ACSF3: variants seen among roughly 807,000 people sequenced by gnomAD.
The protein encoded by ACSF3 is malonate--CoA ligase ACSF3, mitochondrial.
A neutral mutation model predicts 53.2 loss-of-function variants in ACSF3; 78 were observed. That is an observed-to-expected ratio of 1.47 (90% CI 1.22 to 1.77). The LOEUF is 1.77. Ranked by LOEUF, ACSF3 falls within the 40% of genes most tolerant of loss-of-function variation. The pLI, the probability that ACSF3 is intolerant of heterozygous loss-of-function variation, is 0.00. For synonymous variants in ACSF3, 414 were observed against 333.1 expected (o/e 1.24, Z -2.65); for missense variants, 937 against 771.1 (o/e 1.22, Z -2.55).
At chr16:89,147,326 AG>A (rs1191245311) in intron 10 of ACSF3, among the ~76,000 whole-genome samples, 1 of 38,066 alleles carries the variant, frequency 2.6e-5, no homozygotes, top group African/African-American at 1.2e-4. Flanking sequence ...AGAGTGAGCA[AG>A]GGGGGGAGGG....
rs560062119 is a variant in ACSF3, at chr16:89,097,005, G to A, written c.-193-1586G>A. Among the ~76,000 whole-genome samples, 3 of 150,290 alleles carry A rather than the reference G, an allele frequency of 2.0e-5. No individual in the cohort carries two copies. The South Asian group carries it at 6.2e-4, about 31-fold the overall frequency. ...CACTTTGAGTTTGCCCAGCCCAGCT[G>A]TGCACGTCAGCATCACCAGCTCTGC... On this transcript the variant is annotated intron_variant, in intron 1 of 10. Transcript: ENST00000614302.
chr16:89,144,192 G>A (rs536631241), intron 8 of ACSF3, among the ~76,000 whole-genome samples: 5 of 152,340 alleles, frequency 3.3e-5, no homozygotes, highest in South Asian at 2.1e-4. Flanking sequence ...CGCTCTTCCC[G>A]ACTCCCCACC....
intron 5 of ACSF3, 21 bp from the exon 6 acceptor site, chr16:89,114,318 G>C: frequency 6.2e-7 from 1 of 1,613,750 alleles, no homozygotes; most frequent in East Asian, 2.2e-5. Flanking sequence ...GGCTAAACCT[G>C]CCTTTGGTTG....
chr16:89,122,520 C>A, intron 7 of ACSF3: 1 of 347,582 alleles, frequency 2.9e-6, no homozygotes, highest in South Asian at 2.1e-5. Context: ...CCCTGCAGTG[C>A]CCCTGCCCCC....
chr16:89,100,563 G>T, intron 2 of ACSF3, 99 bp from the exon 3 acceptor site: 6 of 1,214,052 alleles, frequency 4.9e-6, no homozygotes, highest in Non-Finnish European at 6.9e-6. Flanking sequence ...TGCAGCAGGC[G>T]TACCTGGCTG....
At chr16:89,150,854 G>A in intron 10 of ACSF3, 1 of 591,290 alleles carries the variant, frequency 1.7e-6, no homozygotes, top group Non-Finnish European at 2.6e-6. Flanking sequence ...GGCTGAGACT[G>A]CAGTGCTTGT....
chr16:89,138,747 T>G (rs1911128628), intron 8 of ACSF3, among the ~76,000 whole-genome samples: 1 of 152,242 alleles, frequency 6.6e-6, no homozygotes, highest in Non-Finnish European at 1.5e-5. Flanking sequence ...CAAGATGCCC[T>G]TCTGTGCAGC....
chr16:89,121,025 G>A (rs1264327981), intron 7 of ACSF3, 112 bp downstream of exon 7: 2 of 970,178 alleles, frequency 2.1e-6, no homozygotes, highest in Non-Finnish European at 3.2e-6. Flanking sequence ...CCACGCAGGG[G>A]ACCAGCCCCC....
chr16:89,143,353 C>T (rs561370829), intron 8 of ACSF3, among the ~76,000 whole-genome samples: 5 of 152,246 alleles, frequency 3.3e-5, no homozygotes, highest in South Asian at 2.1e-4. Flanking sequence ...ATGGCCTCTC[C>T]GGCAGGACCA....
chr16:89,115,684 T>C (rs2151459594), intron 6 of ACSF3, among the ~76,000 whole-genome samples: 1 of 152,368 alleles, frequency 6.6e-6, no homozygotes, highest in East Asian at 1.9e-4. Flanking sequence ...CAAGCTGTTC[T>C]CCAGAGCGGC....
Position 89,133,411 on chromosome 16 carries a change from G to A in ACSF3, c.1366+149G>A, listed in dbSNP as rs950995165. The A allele has an allele frequency of 9.0e-6, 10 of 1,106,222 alleles. No homozygotes were observed. The Admixed American group carries it at 1.9e-4, about 21-fold the overall frequency. The allele number at this position is 1,106,222 out of a possible 1,614,324, so 68.5% of individuals were successfully genotyped here. On this transcript the variant is annotated intron_variant, in intron 8 of 10. Transcript: ENST00000614302. ...GGGTGGAGTGGGGCTGGGGGCCACTGTTACGGCACTGCCTCCTGAGCACCC... is the reference window on the plus strand; with the variant it reads ...GGGTGGAGTGGGGCTGGGGGCCACTATTACGGCACTGCCTCCTGAGCACCC...
At chr16:89,120,066 T>G (rs1423841329) in intron 6 of ACSF3, among the ~76,000 whole-genome samples, 1 of 152,224 alleles carries the variant, frequency 6.6e-6, no homozygotes, top group Non-Finnish European at 1.5e-5. Flanking sequence ...GAGCAGCCTC[T>G]GCCGTCCCAC....
intron 8 of ACSF3, among the ~76,000 whole-genome samples, chr16:89,144,127 C>T (rs570510476): frequency 6.6e-6 from 1 of 152,332 alleles, no homozygotes; most frequent in East Asian, 1.9e-4. Context: ...ACACTATGGG[C>T]CCATGCGTCA....
chr16:89,121,922 ACACTGAAAGGTGCAGTGGCCG>A (rs1230089523), intron 7 of ACSF3, among the ~76,000 whole-genome samples: 7 of 152,336 alleles, frequency 4.6e-5, no homozygotes, highest in African/African-American at 1.4e-4. Context: ...TCATTAAATG[ACACTGAAAGGTGCAGTGGCCG>A]CACCTTGTGT....
At chr16:89,124,375 G>A (rs1259485355) in intron 7 of ACSF3, among the ~76,000 whole-genome samples, 1 of 144,904 alleles carries the variant, frequency 6.9e-6, no homozygotes, top group Non-Finnish European at 1.5e-5. Flanking sequence ...CACACTGCAT[G>A]TGTGTGATAC....
At chr16:89,106,009 C>T (rs953408815) in intron 4 of ACSF3, among the ~76,000 whole-genome samples, 6 of 152,238 alleles carry the variant, frequency 3.9e-5, no homozygotes, top group Admixed American at 1.3e-4. Flanking sequence ...CACAGGCACA[C>T]GGCTTGGGAG....
chr16:89,154,499 C>G lies in ACSF3; in HGVS notation c.*292C>G, dbSNP rs988171628. The stretch of plus-strand genomic sequence containing the variant: ...CTGGCCCCACGTGCTGAGGCACCTC[C>G]CGCCCCACAGTGCCCTGCAGTTGCC... On this transcript the variant is annotated 3_prime_UTR_variant, in exon 11 of 11. Coordinates refer to ENST00000614302, the MANE Select transcript of ACSF3 (RefSeq NM_001243279.3). 3.5e-6 allele frequency: 2 copies of G among 571,682 alleles called. No individual in the cohort carries two copies. Among genetic ancestry groups the G allele is most frequent in the African/African-American group, 3.7e-5 (2 of 54,078 alleles). 35.4% of individuals were successfully genotyped at this position (571,682 alleles called of 1,614,324 possible).
intron 8 of ACSF3, among the ~76,000 whole-genome samples, chr16:89,138,269 C>T (rs1911032241): frequency 6.6e-6 from 1 of 152,198 alleles, no homozygotes; most frequent in African/African-American, 2.4e-5. Flanking sequence ...GTGGGGGCAC[C>T]TGGGCTGTTC....
chr16:89,119,128 C>T (rs1480723955), intron 6 of ACSF3, among the ~76,000 whole-genome samples: 12 of 152,148 alleles, frequency 7.9e-5, no homozygotes, highest in Non-Finnish European at 8.8e-5. Flanking sequence ...GTGTGGGGGC[C>T]ACTCCTTGAG....
Sources: gnomAD v4.1 joint callset for allele counts (sites outside exome capture counted in the v4.1 genomes callset) on GRCh38, gnomAD v4.1.1 for gene constraint, MANE v1.5 for transcripts, NCBI Gene and HGNC (gene_info 2026-07-23, HGNC 2026-07-21) for gene names.